The following CSNK2A1 variants were observed in gnomAD, a reference collection of about 807,000 sequenced individuals.
CSNK2A1 encodes the protein casein kinase II subunit alpha.
Under a neutral mutation model 62.9 loss-of-function variants are expected in CSNK2A1, and 10 were observed. The ratio of observed to expected loss-of-function variants is 0.16; its 90% CI spans 0.10 to 0.27. The LOEUF (loss-of-function observed/expected upper bound fraction) is 0.27, where lower values mean the gene tolerates loss of function less well. Among genes scored for constraint, CSNK2A1 ranks in the 10% least tolerant of loss-of-function variants. CSNK2A1 has a pLI of 1.00. For synonymous variants in CSNK2A1, 124 were observed against 167.8 expected (o/e 0.74, Z 2.02); for missense variants, 160 against 492.0 (o/e 0.33, Z 6.38).
At chr20:489,975 CT>C in intron 9 of CSNK2A1, 94 bp from the exon 10 acceptor site, 1 of 944,440 alleles carries the variant, frequency 1.1e-6, no homozygotes, top group Non-Finnish European at 1.5e-6. Context: ...AAAAAAATCA[CT>C]CCACTGACTC....
rs1240996741 is a variant in CSNK2A1 at position 475,687 on chromosome 20, A to G, written c.*8274T>C. 3.3e-5 allele frequency: 5 copies of G among 152,084 alleles called. No homozygotes were observed. Among genetic ancestry groups the G allele is most frequent in the African/African-American group, 4.8e-5 (2 of 41,394 alleles). The allele number at this position is 152,084 out of a possible 1,614,324, so 9.4% of individuals were successfully genotyped here. ...CACAGGCTCTATGCTTCCCTACTGC[A>G]CTGATGTTGGGCTTGGCTATGTGAT... On this transcript the variant is annotated 3_prime_UTR_variant, in exon 14 of 14. Coordinates refer to ENST00000217244, the MANE Select transcript of CSNK2A1 (RefSeq NM_177559.3).
At position 485,676 on chromosome 20, in the gene CSNK2A1, C is replaced by T. The variant is rs1034679590; in HGVS notation, c.1060+700G>A. The stretch of plus-strand genomic sequence containing the variant: ...AAGGCTACAAGTAAGTTTGGATATA[C>T]ATTACTCTGTACAGAGGTAGGATAC... On this transcript the variant is annotated intron_variant, in intron 13 of 13. Transcript: ENST00000217244. Among the ~76,000 whole-genome samples, 9 of 152,270 alleles carry T rather than the reference C, an allele frequency of 5.9e-5. No homozygotes were observed. In the South Asian group the frequency reaches 1.9e-3, roughly 32 times the overall value.
chr20:492,539 C>T, intron 8 of CSNK2A1, 175 bp from the exon 9 acceptor site: 1 of 626,266 alleles, frequency 1.6e-6, no homozygotes, highest in South Asian at 2.1e-5. Flanking sequence ...AAACCTCTTT[C>T]TCCATGATTT....
intron 2 of CSNK2A1, among the ~76,000 whole-genome samples, chr20:514,544 C>T (rs748857711): frequency 7.2e-5 from 11 of 151,998 alleles, no homozygotes; most frequent in Non-Finnish European, 1.3e-4. Flanking sequence ...TGGGCTTGAG[C>T]AATCCTCCCA....
At position 495,421 on chromosome 20, in the gene CSNK2A1, G is replaced by A. The variant is rs113150652; in HGVS notation, c.510+298C>T. ...ACGTAAGAAAAAGAAGGCAAATGGA[G>A]AGAAAGTAGTTTCTCAGGAAACCAG... On this transcript the variant is annotated intron_variant, in intron 8 of 13. Coordinates refer to ENST00000217244, the MANE Select transcript of CSNK2A1 (RefSeq NM_177559.3). The A allele has an allele frequency of 2.7e-3, 914 of 332,730 alleles. 4 individuals are homozygous for A. Among genetic ancestry groups the A allele is most frequent in the African/African-American group, 0.017 (816 of 47,374 alleles). The allele number at this position is 332,730 out of a possible 1,614,324, so 20.6% of individuals were successfully genotyped here.
chr20:486,244 G>T, intron 13 of CSNK2A1, 132 bp downstream of exon 13: 1 of 928,964 alleles, frequency 1.1e-6, no homozygotes, highest in Non-Finnish European at 1.6e-6. Context: ...CAAGCATGCT[G>T]AAACCTGGTT....
chr20:529,130 A>G (rs1242689254), intron 1 of CSNK2A1, among the ~76,000 whole-genome samples: 2 of 150,194 alleles, frequency 1.3e-5, no homozygotes, highest in African/African-American at 4.9e-5. Flanking sequence ...AGCAGCCTCT[A>G]CCTCCCATCT....
At chr20:489,712 G>A (rs978178136) in intron 10 of CSNK2A1, 68 bp downstream of exon 10, 28 of 1,315,412 alleles carry the variant, frequency 2.1e-5, no homozygotes, top group Non-Finnish European at 2.7e-5. Flanking sequence ...TGAACTGAAA[G>A]TTACAGGCAG....
Position 482,115 on chromosome 20 carries a change from A to G in CSNK2A1, c.*1846T>C, listed in dbSNP as rs1433478965. ...TTACTAAAGCCAAGATGGGTTACAA[A>G]GTTAGATAAGTTCATTAAATTCAAC... On this transcript the variant is annotated 3_prime_UTR_variant, in exon 14 of 14. Transcript: ENST00000217244. The G allele has an allele frequency of 6.6e-6, 1 of 152,202 alleles. No homozygotes were observed. The highest frequency in any genetic ancestry group is 1.5e-5 in the Non-Finnish European group (1 of 68,036). 9.4% of individuals were successfully genotyped at this position (152,202 alleles called of 1,614,324 possible).
At position 478,941 on chromosome 20, in the gene CSNK2A1, C is replaced by CA. The variant is rs1355067833; in HGVS notation, c.*5019dup. 6 of 162,800 alleles carry CA rather than the reference C, an allele frequency of 3.7e-5. No individual in the cohort carries two copies. Among genetic ancestry groups the CA allele is most frequent in the African/African-American group, 1.4e-4 (6 of 41,384 alleles). The allele number at this position is 162,800 out of a possible 1,614,324, so 10.1% of individuals were successfully genotyped here. On this transcript the variant is annotated 3_prime_UTR_variant, in exon 14 of 14. Coordinates refer to ENST00000217244, the MANE Select transcript of CSNK2A1 (RefSeq NM_177559.3). Reference sequence around the variant, plus strand: ...GACCCGTATCAAAAAACAAAACAAACAAAAAACTTCTAGTGAGTAGAGCGA... The same window carrying CA: ...GACCCGTATCAAAAAACAAAACAAACAAAAAAACTTCTAGTGAGTAGAGCGA...
intron 6 of CSNK2A1, chr20:498,656 A>G (rs1600381827): frequency 6.6e-6 from 1 of 152,228 alleles, no homozygotes; most frequent in East Asian, 1.9e-4. Context: ...TGGATACTGG[A>G]CTGGTGGAAA....
chr20:517,807 T>A (rs1271305699), intron 2 of CSNK2A1, among the ~76,000 whole-genome samples: 1 of 152,174 alleles, frequency 6.6e-6, no homozygotes, highest in Non-Finnish European at 1.5e-5. Flanking sequence ...CAACGTGGCA[T>A]CAGGTGTAAA....
chr20:537,824 T>C (rs1455089980), intron 1 of CSNK2A1, among the ~76,000 whole-genome samples: 1 of 152,238 alleles, frequency 6.6e-6, no homozygotes, highest in Non-Finnish European at 1.5e-5. Context: ...TATCACATTA[T>C]TTATTACCTT....
chr20:541,475 T>C (rs960763754), intron 1 of CSNK2A1, among the ~76,000 whole-genome samples: 2 of 152,222 alleles, frequency 1.3e-5, no homozygotes, highest in African/African-American at 4.8e-5. Flanking sequence ...ATTTTACTTA[T>C]GTGAAGTAAA....
At chr20:522,073 C>T (rs2018961198) in intron 2 of CSNK2A1, among the ~76,000 whole-genome samples, 1 of 152,230 alleles carries the variant, frequency 6.6e-6, no homozygotes, top group Non-Finnish European at 1.5e-5. Context: ...CCGAGCTCTG[C>T]CTCCTGTCCC....
chr20:507,204 G>C (rs528596529), intron 3 of CSNK2A1: 1 of 151,342 alleles, frequency 6.6e-6, no homozygotes, highest in East Asian at 1.9e-4. Context: ...GGAGGCTGCA[G>C]TGAGCCGAGA....
chr20:492,024 G>A (rs1310593839), intron 9 of CSNK2A1, among the ~76,000 whole-genome samples: 1 of 152,148 alleles, frequency 6.6e-6, no homozygotes, highest in Non-Finnish European at 1.5e-5. Flanking sequence ...CTCAAGTCAG[G>A]ATCAAATGCA....
chr20:505,376 T>TG, intron 3 of CSNK2A1, 147 bp from the exon 4 acceptor site: 2 of 597,330 alleles, frequency 3.3e-6, no homozygotes, highest in Non-Finnish European at 5.5e-6. Flanking sequence ...TTTTTTTTTT[T>TG]GGAGATGGAG....
At chr20:532,851 A>G (rs981983738) in intron 1 of CSNK2A1, among the ~76,000 whole-genome samples, 5 of 152,184 alleles carry the variant, frequency 3.3e-5, no homozygotes, top group African/African-American at 9.7e-5. Flanking sequence ...ATCTATTTGG[A>G]GGTCACTGAC....
Sources: gnomAD v4.1 joint callset for allele counts (sites outside exome capture counted in the v4.1 genomes callset) on GRCh38, gnomAD v4.1.1 for gene constraint, MANE v1.5 for transcripts, NCBI Gene and HGNC (gene_info 2026-07-23, HGNC 2026-07-21) for gene names.